Variants in APBA2 observed in about 807,000 individuals in gnomAD.
APBA2 encodes amyloid-beta A4 precursor protein-binding family A member 2.
Under a neutral mutation model 75.0 loss-of-function variants are expected in APBA2, and 30 were observed. The observed-to-expected ratio is 0.40, with a 90% CI of 0.30 to 0.54. The LOEUF is 0.54. APBA2 is among the 20% of genes least tolerant of loss of function. APBA2 has a pLI of 0.49. For synonymous variants in APBA2, 444 were observed against 409.6 expected (o/e 1.08, Z -1.01); for missense variants, 801 against 1,016.1 (o/e 0.79, Z 2.88).
intron 2 of APBA2, among the ~76,000 whole-genome samples, chr15:28,978,083 G>C (rs1396134293): frequency 6.6e-6 from 1 of 152,184 alleles, no homozygotes; most frequent in Admixed American, 6.5e-5. Flanking sequence ...CAAAAGACTG[G>C]TGTACCGTGG....
chr15:29,092,151 C>G (rs1179448388), intron 6 of APBA2, among the ~76,000 whole-genome samples: 1 of 152,164 alleles, frequency 6.6e-6, no homozygotes, highest in Non-Finnish European at 1.5e-5. Context: ...TACATACTGT[C>G]TACGGCTACC....
chr15:29,106,313 G>A (rs1186556881), intron 11 of APBA2, among the ~76,000 whole-genome samples: 2 of 151,896 alleles, frequency 1.3e-5, no homozygotes, highest in Admixed American at 6.6e-5. Flanking sequence ...TGTTGGGCAC[G>A]GGTGGGGTTG....
intron 2 of APBA2, among the ~76,000 whole-genome samples, chr15:28,952,821 C>G (rs1218090836): frequency 6.6e-6 from 1 of 152,082 alleles, no homozygotes; most frequent in Non-Finnish European, 1.5e-5. Context: ...CTTAGCAATC[C>G]TGAGAAAAGC....
At chr15:29,034,664 G>A (rs998712852) in intron 3 of APBA2, among the ~76,000 whole-genome samples, 41 of 152,228 alleles carry the variant, frequency 2.7e-4, no homozygotes, top group African/African-American at 9.9e-4. Flanking sequence ...ACTTGCTGGG[G>A]CACAGACTGT....
chr15:28,917,484 C>T (rs2033738580), intron 1 of APBA2, among the ~76,000 whole-genome samples: 1 of 152,136 alleles, frequency 6.6e-6, no homozygotes, highest in Admixed American at 6.5e-5. Flanking sequence ...AATCAACCAC[C>T]ATATTAAAAA....
intron 3 of APBA2, among the ~76,000 whole-genome samples, chr15:29,037,167 A>G (rs1183278309): frequency 6.6e-6 from 1 of 152,248 alleles, no homozygotes; most frequent in Non-Finnish European, 1.5e-5. Flanking sequence ...TCAGAAGATA[A>G]TCATTTATCA....
chr15:29,093,384 G>A (rs560135443), intron 7 of APBA2, among the ~76,000 whole-genome samples, 164 bp downstream of exon 7: 70 of 152,358 alleles, frequency 4.6e-4, no homozygotes, highest in African/African-American at 1.6e-3. Context: ...GGAGGCTTGC[G>A]CCTTGGCTGG....
intron 13 of APBA2, among the ~76,000 whole-genome samples, chr15:29,109,957 C>T (rs1029697633): frequency 9.8e-5 from 15 of 152,322 alleles, no homozygotes; most frequent in Admixed American, 2.6e-4. Context: ...CAGGACAGTG[C>T]GCCTGCCGCA....
At chr15:28,891,245 A>G (rs2032109733) in intron 1 of APBA2, among the ~76,000 whole-genome samples, 2 of 152,180 alleles carry the variant, frequency 1.3e-5, no homozygotes, top group Admixed American at 6.5e-5. Context: ...TTAACTTTGC[A>G]ACAAGGAGGC....
chr15:28,963,829 C>G (rs915182704), intron 2 of APBA2, among the ~76,000 whole-genome samples: 22 of 152,210 alleles, frequency 1.4e-4, no homozygotes, highest in Admixed American at 8.5e-4. Flanking sequence ...AATAGTCAAA[C>G]CAGGAAACTG....
chr15:29,023,239 C>T (rs57989865), intron 3 of APBA2, among the ~76,000 whole-genome samples: 2,796 of 152,158 alleles, frequency 0.018, 84 homozygotes, highest in African/African-American at 0.064. Context: ...TGAAAGGTGA[C>T]AGTGATAGCA....
chr15:29,085,679 T>G (rs1187916454), intron 6 of APBA2, among the ~76,000 whole-genome samples: 5 of 152,156 alleles, frequency 3.3e-5, no homozygotes, highest in Non-Finnish European at 7.3e-5. Context: ...AATAAGAGCT[T>G]CTTTAGGTTG....
intron 2 of APBA2, among the ~76,000 whole-genome samples, chr15:28,959,725 C>T (rs2036364290): frequency 6.6e-6 from 1 of 152,206 alleles, no homozygotes; most frequent in Admixed American, 6.5e-5. Flanking sequence ...TTTAAGCAAT[C>T]TTCATGGACT....
intron 4 of APBA2, among the ~76,000 whole-genome samples, chr15:29,056,986 C>A (rs774446210): frequency 3.9e-5 from 6 of 151,990 alleles, no homozygotes; most frequent in Admixed American, 1.3e-4. Flanking sequence ...TAAGAACAAT[C>A]CCCTTCCTCC....
intron 2 of APBA2, among the ~76,000 whole-genome samples, chr15:28,976,011 A>G (rs1566863361): frequency 6.6e-6 from 1 of 152,172 alleles, no homozygotes; most frequent in Admixed American, 6.5e-5. Flanking sequence ...TCCAAATCCA[A>G]ACATGCTCAT....
chr15:29,004,745 T>C (rs1463130485), intron 3 of APBA2, among the ~76,000 whole-genome samples: 1 of 152,182 alleles, frequency 6.6e-6, no homozygotes, highest in Admixed American at 6.5e-5. Flanking sequence ...AGTGGCACGA[T>C]CTCTGCTCAC....
chr15:29,090,369 G>A (rs1212137236), intron 6 of APBA2, among the ~76,000 whole-genome samples: 1 of 152,244 alleles, frequency 6.6e-6, no homozygotes, highest in Non-Finnish European at 1.5e-5. Context: ...TTCAGGGGGA[G>A]ACGAGGCCAG....
chr15:29,013,899 A>G lies in APBA2; in HGVS notation c.-41+18093A>G, dbSNP rs182145783. ...GATGAAGTTTGTGATTCACATTAGCATATTTGGCAGTGAAAGCGTTACCTT... is the reference window on the plus strand; with the variant it reads ...GATGAAGTTTGTGATTCACATTAGCGTATTTGGCAGTGAAAGCGTTACCTT... On this transcript the variant is annotated intron_variant, in intron 3 of 14. Transcript: ENST00000683413. 1.9e-3 allele frequency among the ~76,000 whole-genome samples: 289 copies of G among 152,378 alleles called. 1 individual carries two copies. Among genetic ancestry groups the G allele is most frequent in the African/African-American group, 6.8e-3 (281 of 41,590 alleles).
At chr15:28,955,156 C>A (rs2036100391) in intron 2 of APBA2, among the ~76,000 whole-genome samples, 1 of 152,030 alleles carries the variant, frequency 6.6e-6, no homozygotes, top group Admixed American at 6.6e-5. Flanking sequence ...ATACATTTTA[C>A]TTAACCACCT....
Sources: gnomAD v4.1 joint callset for allele counts (sites outside exome capture counted in the v4.1 genomes callset) on GRCh38, gnomAD v4.1.1 for gene constraint, MANE v1.5 for transcripts, NCBI Gene and HGNC (gene_info 2026-07-23, HGNC 2026-07-21) for gene names.